ACSM5: variants seen among roughly 807,000 people sequenced by gnomAD.
The protein encoded by ACSM5 is acyl-CoA synthetase medium chain family member 5, also known as acyl-coenzyme A synthetase ACSM5, mitochondrial.
In ACSM5, 56 loss-of-function variants were observed where a neutral mutation model predicts 71.6. That is an observed-to-expected ratio of 0.78 (90% confidence interval 0.63 to 0.98). The LOEUF (loss-of-function observed/expected upper bound fraction) is 0.98, where lower values mean the gene tolerates loss of function less well. Ranked by LOEUF, ACSM5 falls within the 50% of genes least tolerant of loss-of-function variation. The pLI is 0.00. For synonymous variants in ACSM5, 285 were observed against 281.5 expected (o/e 1.01, Z -0.12); for missense variants, 723 against 726.0 (o/e 1.00, Z 0.05).
At chr16:20,413,613 C>A (rs1966851397) in intron 2 of ACSM5, among the ~76,000 whole-genome samples, 1 of 152,172 alleles carries the variant, frequency 6.6e-6, no homozygotes, top group South Asian at 2.1e-4. Flanking sequence ...GCTGGAGAAT[C>A]CAATGTCTAT....
chr16:20,420,489 A>G (rs1444954640), intron 4 of ACSM5, among the ~76,000 whole-genome samples: 2 of 152,100 alleles, frequency 1.3e-5, no homozygotes, highest in Non-Finnish European at 2.9e-5. Context: ...ATTCCCAGCT[A>G]TTTGGGAGGC....
chr16:20,413,231 C>G (rs1285172207), intron 2 of ACSM5, among the ~76,000 whole-genome samples: 1 of 152,062 alleles, frequency 6.6e-6, no homozygotes, highest in Non-Finnish European at 1.5e-5. Flanking sequence ...TAAAAACAAG[C>G]AAGCAGGATT....
Position 20,437,358 on chromosome 16 carries a change from C to G in ACSM5, c.1527C>G (p.Ile509Met). 1 of 1,612,448 alleles carries G rather than the reference C, an allele frequency of 6.2e-7. No individual in the cohort carries two copies. Among genetic ancestry groups the G allele is most frequent in the Non-Finnish European group, 8.5e-7 (1 of 1,178,708 alleles). The change falls in exon 12 of 14, where the codon ATC (isoleucine) becomes ATG (methionine). Residue 509 changes from isoleucine to methionine, a missense_variant. Coordinates refer to ENST00000331849, the MANE Select transcript of ACSM5 (RefSeq NM_017888.3). ...ESAVVSSPDP[I>M]RGEVVKAFIV... is the part of the protein sequence containing the mutation. ...CTGTGGTCAGCAGCCCAGACCCCATCAGGGGAGAGGTAACCAGTGCACCCA... is the reference window on the plus strand; with the variant it reads ...CTGTGGTCAGCAGCCCAGACCCCATGAGGGGAGAGGTAACCAGTGCACCCA...
intron 4 of ACSM5, 85 bp downstream of exon 4, chr16:20,419,520 C>T: frequency 7.4e-7 from 1 of 1,342,330 alleles, no homozygotes; most frequent in African/African-American, 1.4e-5. Flanking sequence ...GCTGATTCCA[C>T]ACATAGAGAG....
At position 20,437,367 on chromosome 16, in the gene ACSM5, G is replaced by C; in HGVS notation, c.1536G>C (p.Glu512Asp). 3 of 1,606,376 alleles carry C rather than the reference G, an allele frequency of 1.9e-6. No individual in the cohort carries two copies. The highest frequency in any genetic ancestry group is 2.6e-6 in the Non-Finnish European group (3 of 1,173,396). Residue 512 changes from glutamate (E) to aspartate (D), a missense_variant and splice_region_variant, in exon 12 of 14, where the codon GAG becomes GAC. Transcript: ENST00000331849. ...VVSSPDPIRG[E>D]VVKAFIVLTP... ...GCAGCCCAGACCCCATCAGGGGAGA[G>C]GTAACCAGTGCACCCAAGAACATGG...
At chr16:20,423,805 A>G (rs1286269162) in intron 5 of ACSM5, 111 bp from the exon 6 acceptor site, 14 of 1,304,988 alleles carry the variant, frequency 1.1e-5, no homozygotes, top group African/African-American at 5.9e-5. Context: ...TTTCACAAGT[A>G]TAAGTGAGTA....
intron 8 of ACSM5, 82 bp from the exon 9 acceptor site, chr16:20,430,911 C>G (rs1873605374): frequency 6.3e-6 from 6 of 955,014 alleles, no homozygotes; most frequent in Non-Finnish European, 8.0e-6. Context: ...AAAGAGTTAT[C>G]AGGCAGGGTG....
At chr16:20,416,448 A>G (rs982989104) in intron 2 of ACSM5, among the ~76,000 whole-genome samples, 1 of 152,210 alleles carries the variant, frequency 6.6e-6, no homozygotes, top group African/African-American at 2.4e-5. Flanking sequence ...TTGATTTTCA[A>G]CAAGGGTACC....
chr16:20,418,320 G>A, intron 3 of ACSM5, 51 bp downstream of exon 3: 2 of 1,541,170 alleles, frequency 1.3e-6, no homozygotes, highest in Non-Finnish European at 1.8e-6. Flanking sequence ...CAACTTGCCA[G>A]AGCTTTGCAG....
In ACSM5 at chr16:20,419,230, AC is replaced by A; in HGVS notation, c.419del (p.Thr140MetfsTer2). 5.6e-6 allele frequency: 9 copies of A among 1,613,954 alleles called. No homozygotes were observed. Among genetic ancestry groups the A allele is most frequent in the Non-Finnish European group, 7.6e-6 (9 of 1,179,998 alleles). ...LVSVACMRTG[T>X]VMIPGVTQLT... ...CATCCCCTTCTGTTTTATGCCAGGGACTGTGATGATTCCGGGTGTGACTCAG... is the reference window on the plus strand; with the variant it reads ...CATCCCCTTCTGTTTTATGCCAGGGATGTGATGATTCCGGGTGTGACTCAG... On this transcript the variant is annotated frameshift_variant, in exon 4 of 14. Transcript: ENST00000331849. LOFTEE classifies it high-confidence loss of function.
At position 20,418,086 on chromosome 16, in the gene ACSM5, T is replaced by C; in HGVS notation, c.232T>C (p.Phe78Leu). 1 of 1,613,862 alleles carries C rather than the reference T, an allele frequency of 6.2e-7. No individual in the cohort carries two copies. Among genetic ancestry groups the C allele is most frequent in the East Asian group, 2.2e-5 (1 of 44,880 alleles). ...EAGHRPPNPA[F>L]WWVNGTGAEI... The stretch of plus-strand genomic sequence containing the variant: ...TGGACACCGCCCCCCAAATCCTGCC[T>C]TCTGGTGGGTCAATGGCACAGGAGC... Residue 78 changes from phenylalanine (F) to leucine (L), a missense_variant, in exon 3 of 14, where the codon TTC becomes CTC. Transcript: ENST00000331849.
intron 12 of ACSM5, among the ~76,000 whole-genome samples, chr16:20,438,938 G>A (rs1286202982): frequency 1.4e-5 from 2 of 139,914 alleles, no homozygotes; most frequent in African/African-American, 5.4e-5. Context: ...CTGGGCGACA[G>A]GGTGAGACTC....
chr16:20,420,062 T>C (rs1243982998), intron 4 of ACSM5, among the ~76,000 whole-genome samples: 2 of 152,224 alleles, frequency 1.3e-5, no homozygotes, highest in African/African-American at 2.4e-5. Context: ...CGAGAGCAGA[T>C]GTGCCTTGGA....
In ACSM5 at chr16:20,431,221, T is replaced by C. The variant is rs375674529; in HGVS notation, c.1208T>C (p.Ile403Thr). The change falls in exon 10 of 14, where the codon ATT becomes ACT. Residue 403 changes from isoleucine to threonine, a missense_variant and splice_region_variant. By Grantham distance (89) the Ile-to-Thr change is moderately conservative. Transcript: ENST00000331849. ...CCTCTGTGATGATTTCCTTACCAGA[T>C]TGTGGATGATGAGGGCAACGTCCTG... ...GKASPPYDVQ[I>T]VDDEGNVLPP... 31 of 1,613,750 alleles carry C rather than the reference T, an allele frequency of 1.9e-5. No homozygotes were observed. In the East Asian group the frequency reaches 2.7e-4, roughly 14 times the overall value.
At chr16:20,412,438 A>T (rs1040466332) in intron 2 of ACSM5, among the ~76,000 whole-genome samples, 2 of 152,176 alleles carry the variant, frequency 1.3e-5, no homozygotes, top group African/African-American at 2.4e-5. Context: ...ATCATAACAG[A>T]TACATAGAAT....
In ACSM5 at chr16:20,411,607, C is replaced by T. The variant is rs549750937; in HGVS notation, c.123C>T (p.Ala41=). Residue 41 remains alanine, a synonymous_variant, in exon 2 of 14, where the codon GCC becomes GCT. Transcript: ENST00000331849. ...AGAAGATCGTGGCCACCTGGGAAGCCATCAGCCTGGGAAGGCAGCTGGTGC... is the reference window on the plus strand; with the variant it reads ...AGAAGATCGTGGCCACCTGGGAAGCTATCAGCCTGGGAAGGCAGCTGGTGC... The part of the protein sequence containing the change: ...VPQKIVATWE[A]ISLGRQLVPE... 1 of 1,614,052 alleles carries T rather than the reference C, an allele frequency of 6.2e-7. No individual in the cohort carries two copies. The highest frequency in any genetic ancestry group is 8.5e-7 in the Non-Finnish European group (1 of 1,180,040).
Position 20,423,944 on chromosome 16 carries a change from A to G in ACSM5, c.796A>G (p.Ile266Val), listed in dbSNP as rs779533886. 7 of 1,614,154 alleles carry G rather than the reference A, an allele frequency of 4.3e-6. No individual in the cohort carries two copies. The highest frequency in any genetic ancestry group is 2.2e-5 in the East Asian group (1 of 44,882). Residue 266 changes from isoleucine (I) to valine (V), a missense_variant, in exon 6 of 14, where the codon ATC (isoleucine) becomes GTC (valine). Physicochemically the swap from Ile to Val is conservative, Grantham distance 29. Coordinates refer to ENST00000331849, the MANE Select transcript of ACSM5 (RefSeq NM_017888.3). ...RRWVALTESD[I>V]FWNTTDTGWV... ...GTGGGTGGCCTTGACCGAATCTGACATCTTCTGGAACACGACTGACACTGG... is the reference window on the plus strand; with the variant it reads ...GTGGGTGGCCTTGACCGAATCTGACGTCTTCTGGAACACGACTGACACTGG...
intron 1 of ACSM5, among the ~76,000 whole-genome samples, chr16:20,411,222 G>A (rs1226815403): frequency 6.6e-6 from 1 of 152,204 alleles, no homozygotes; most frequent in Non-Finnish European, 1.5e-5. Context: ...TGAGAAGTGG[G>A]ATCTGAGTTC....
Position 20,429,691 on chromosome 16 carries a change from A to G in ACSM5, c.1015A>G (p.Ser339Gly), listed in dbSNP as rs144996966. ...TGTCTGAGAAAGGTACCAGTTTCAG[A>G]GCCTGAGGCACTGTCTGACCGGAGG... ...QEDLTRYQFQ[S>G]LRHCLTGGEA... Residue 339 changes from serine (S) to glycine (G), a missense_variant, in exon 8 of 14, where the codon AGC becomes GGC. Coordinates refer to ENST00000331849, the MANE Select transcript of ACSM5 (RefSeq NM_017888.3). 1.4e-4 allele frequency: 226 copies of G among 1,613,958 alleles called. No homozygotes were observed. The African/African-American group carries it at 2.9e-3, about 20-fold the overall frequency.
Sources: gnomAD v4.1 joint callset for allele counts (sites outside exome capture counted in the v4.1 genomes callset) on GRCh38, gnomAD v4.1.1 for gene constraint, MANE v1.5 for transcripts, NCBI Gene and HGNC (gene_info 2026-07-23, HGNC 2026-07-21) for gene names.